PCDH15: variants seen among roughly 807,000 people sequenced by gnomAD.
PCDH15 encodes the protein protocadherin related 15.
A neutral mutation model predicts 178.5 loss-of-function variants in PCDH15; 129 were observed. That is an observed-to-expected ratio of 0.72 (90% CI 0.63 to 0.84). The LOEUF (loss-of-function observed/expected upper bound fraction) is 0.84, where lower values mean the gene tolerates loss of function less well. Among genes scored for constraint, PCDH15 ranks in the 40% least tolerant of loss-of-function variants. The pLI, the probability that PCDH15 is intolerant of heterozygous loss-of-function variation, is 0.00. For synonymous variants in PCDH15, 800 were observed against 732.0 expected, an observed-to-expected ratio of 1.09 and a Z score of -1.50; for missense variants, 2,230 against 2,099.9, an observed-to-expected ratio of 1.06 and a Z score of -1.21.
chr10:54,039,107 T>C (rs2093483366), intron 18 of PCDH15, among the ~76,000 whole-genome samples: 1 of 152,074 alleles, frequency 6.6e-6, no homozygotes. Flanking sequence ...GCAGTTATTA[T>C]TGTCCATATT....
chr10:54,672,145 G>A (rs1426604881), intron 1 of PCDH15, among the ~76,000 whole-genome samples: 1 of 151,940 alleles, frequency 6.6e-6, no homozygotes, highest in African/African-American at 2.4e-5. Flanking sequence ...GGATCATCTA[G>A]TTGCAAGAAA....
intron 1 of PCDH15, among the ~76,000 whole-genome samples, chr10:55,228,549 A>T (rs1841121371): frequency 6.6e-6 from 1 of 152,052 alleles, no homozygotes; most frequent in South Asian, 2.1e-4. Flanking sequence ...TAAGTGTTAA[A>T]TGTGAGCATG....
intron 2 of PCDH15, among the ~76,000 whole-genome samples, chr10:55,384,619 T>C (rs1472673677): frequency 6.6e-6 from 1 of 152,136 alleles, no homozygotes; most frequent in Non-Finnish European, 1.5e-5. Flanking sequence ...TTTCTTCTTC[T>C]CTAAGCTTAT....
At chr10:54,717,713 G>C (rs1212212594) in intron 1 of PCDH15, among the ~76,000 whole-genome samples, 2 of 139,550 alleles carry the variant, frequency 1.4e-5, no homozygotes, top group Admixed American at 1.5e-4. Flanking sequence ...CGATTCCTCA[G>C]GGATCTAGAA....
intron 2 of PCDH15, among the ~76,000 whole-genome samples, chr10:54,539,892 T>C (rs2085015723): frequency 6.6e-6 from 1 of 152,046 alleles, no homozygotes; most frequent in Admixed American, 6.6e-5. Flanking sequence ...ATTAAGCAAC[T>C]TTGCTCCTGA....
At chr10:54,761,092 T>C (rs895514071) in intron 1 of PCDH15, among the ~76,000 whole-genome samples, 1 of 152,106 alleles carries the variant, frequency 6.6e-6, no homozygotes, top group African/African-American at 2.4e-5. Context: ...CCTCTTTGTC[T>C]GGCTTCCTCT....
intron 1 of PCDH15, among the ~76,000 whole-genome samples, chr10:55,204,033 A>G (rs766265539): frequency 1.3e-5 from 2 of 151,662 alleles, no homozygotes; most frequent in African/African-American, 2.4e-5. Flanking sequence ...CAACATAGTG[A>G]GATCCTGTCT....
chr10:53,827,228 T>G (rs563224059), intron 32 of PCDH15, among the ~76,000 whole-genome samples, 165 bp downstream of exon 32: 1 of 152,300 alleles, frequency 6.6e-6, no homozygotes, highest in African/African-American at 2.4e-5. Flanking sequence ...ATTTTTCAAC[T>G]TAACCTTTCT....
chr10:54,489,085 G>A (rs761767048), intron 3 of PCDH15, among the ~76,000 whole-genome samples: 6 of 152,000 alleles, frequency 3.9e-5, no homozygotes, highest in Non-Finnish European at 7.4e-5. Flanking sequence ...TTTCCTGTGT[G>A]TTGTGCTGAA....
At chr10:54,310,194 A>T (rs1023455357) in intron 8 of PCDH15, among the ~76,000 whole-genome samples, 12 of 152,084 alleles carry the variant, frequency 7.9e-5, no homozygotes, top group Middle Eastern at 3.2e-3. Flanking sequence ...GAATGATAAG[A>T]TAAAAGCCGT....
At chr10:54,235,678 T>C (rs1406211876) in intron 9 of PCDH15, among the ~76,000 whole-genome samples, 1 of 152,228 alleles carries the variant, frequency 6.6e-6, no homozygotes, top group Non-Finnish European at 1.5e-5. Flanking sequence ...GTTGTTTTAA[T>C]GTTTTTTAGC....
At chr10:54,553,957 T>C (rs1314499839) in intron 2 of PCDH15, among the ~76,000 whole-genome samples, 2 of 152,152 alleles carry the variant, frequency 1.3e-5, no homozygotes, top group Non-Finnish European at 2.9e-5. Context: ...TGTATCTACA[T>C]TATAAATCTA....
intron 6 of PCDH15, among the ~76,000 whole-genome samples, chr10:54,335,787 G>A (rs1208058600): frequency 6.6e-6 from 1 of 152,110 alleles, no homozygotes; most frequent in Non-Finnish European, 1.5e-5. Context: ...AATTGGCACT[G>A]GTAGAGTGGG....
chr10:54,583,147 C>G (rs1041221221), intron 2 of PCDH15, among the ~76,000 whole-genome samples: 1 of 151,950 alleles, frequency 6.6e-6, no homozygotes, highest in African/African-American at 2.4e-5. Context: ...GTATGCACCC[C>G]TAAACAGTAT....
At chr10:54,959,130 G>T (rs561270817) in intron 2 of PCDH15, among the ~76,000 whole-genome samples, 2 of 151,710 alleles carry the variant, frequency 1.3e-5, no homozygotes, top group Non-Finnish European at 3.0e-5. Flanking sequence ...GAGAAGGCAG[G>T]AAGAGAAGGG....
At chr10:53,920,830 C>T (rs1237807833) in intron 25 of PCDH15, among the ~76,000 whole-genome samples, 1 of 151,954 alleles carries the variant, frequency 6.6e-6, no homozygotes, top group Non-Finnish European at 1.5e-5. Context: ...GAAATATTTC[C>T]CTAGGTATAT....
rs188643981 is a variant in PCDH15, at chr10:54,138,991, T to A, written c.1785-5984A>T. ...ATTTTTCAAGTTCAAATGAGTTAAG[T>A]CAACCACAATAAGCAAGCTGGCTTT... is the stretch of plus-strand genomic sequence containing the variant. On this transcript the variant is annotated intron_variant, in intron 14 of 37. Coordinates refer to ENST00000644397, the MANE Select transcript of PCDH15 (RefSeq NM_001384140.1). Among the ~76,000 whole-genome samples the A allele has an allele frequency of 2.9e-4, 44 of 152,262 alleles. No homozygotes were observed. The East Asian group carries it at 7.3e-3, about 25-fold the overall frequency.
At chr10:53,884,905 T>C (rs930661241) in intron 26 of PCDH15, among the ~76,000 whole-genome samples, 1 of 152,154 alleles carries the variant, frequency 6.6e-6, no homozygotes, top group Non-Finnish European at 1.5e-5. Context: ...CCCCTAATTT[T>C]CATGATGATT....
chr10:54,720,371 A>G (rs1941382815), intron 1 of PCDH15, among the ~76,000 whole-genome samples: 2 of 152,074 alleles, frequency 1.3e-5, no homozygotes, highest in Admixed American at 1.3e-4. Flanking sequence ...CAGAATTTTC[A>G]AAGTCAAAGT....
Sources: gnomAD v4.1 joint callset for allele counts (sites outside exome capture counted in the v4.1 genomes callset) on GRCh38, gnomAD v4.1.1 for gene constraint, MANE v1.5 for transcripts, NCBI Gene and HGNC (gene_info 2026-07-23, HGNC 2026-07-21) for gene names.